Variants in STK3 observed in about 807,000 individuals in gnomAD.
STK3 encodes the protein serine/threonine kinase 3.
Under a neutral mutation model 58.0 loss-of-function variants are expected in STK3, and 41 were observed. The observed-to-expected ratio is 0.71, with a 90% CI of 0.55 to 0.92. The LOEUF is 0.92. Ranked by LOEUF, STK3 falls within the 40% of genes least tolerant of loss-of-function variation. The pLI is 0.00. For synonymous variants in STK3, 170 were observed against 191.0 expected (o/e 0.89, Z 0.91); for missense variants, 479 against 602.7 (o/e 0.79, Z 2.15).
In STK3 at chr8:98,620,867, T is replaced by A. The variant is rs535637156; in HGVS notation, c.685-24698A>T. 1.2e-3 allele frequency among the ~76,000 whole-genome samples: 190 copies of A among 152,040 alleles called. 2 individuals are homozygous for A. The highest frequency in any genetic ancestry group is 1.8e-3 in the Non-Finnish European group (125 of 67,982). On this transcript the variant is annotated intron_variant, in intron 6 of 10. Coordinates refer to ENST00000419617, the MANE Select transcript of STK3 (RefSeq NM_006281.4). ...TTTTTTAAGCAACTGTAAATGGTAT[T>A]GCATTTTTAACTTCAATGTCCATGA...
At position 98,473,478 on chromosome 8, in the gene STK3, A is replaced by G. The variant is rs182752272; in HGVS notation, c.1318-17478T>C. ...ACTCACGGCCATTCCTCCAGTTGTCACAATTCCATCCCTCTTCTCCTTTAG... is the reference window on the plus strand; with the variant it reads ...ACTCACGGCCATTCCTCCAGTTGTCGCAATTCCATCCCTCTTCTCCTTTAG... On this transcript the variant is annotated intron_variant, in intron 10 of 10. Coordinates refer to ENST00000419617, the MANE Select transcript of STK3 (RefSeq NM_006281.4). Among the ~76,000 whole-genome samples, 3 of 152,266 alleles carry G rather than the reference A, an allele frequency of 2.0e-5. No homozygotes were observed. The East Asian group carries it at 5.8e-4, about 29-fold the overall frequency.
intron 9 of STK3, 31 bp from the exon 10 acceptor site, chr8:98,526,948 TA>T: frequency 6.9e-7 from 1 of 1,458,468 alleles, no homozygotes; most frequent in South Asian, 1.6e-5. Flanking sequence ...AAGGAAGGTA[TA>T]AGTTCTTACA....
intron 6 of STK3, chr8:98,602,089 T>C (rs2130067998): frequency 6.6e-6 from 1 of 152,362 alleles, no homozygotes; most frequent in South Asian, 2.1e-4. Flanking sequence ...CACTGTTTAA[T>C]ATCTCAACTT....
At chr8:98,807,734 G>A (rs1833976766) in intron 1 of STK3, among the ~76,000 whole-genome samples, 1 of 152,190 alleles carries the variant, frequency 6.6e-6, no homozygotes, top group African/African-American at 2.4e-5. Context: ...GATAGAAAAT[G>A]CAAAGTCACT....
intron 3 of STK3, among the ~76,000 whole-genome samples, chr8:98,868,876 C>T (rs1276937517): frequency 6.6e-6 from 1 of 151,844 alleles, no homozygotes; most frequent in Non-Finnish European, 1.5e-5. Flanking sequence ...ACTCGAGAGG[C>T]TGAGGTGGGA....
At chr8:98,847,717 G>GT (rs1035665212) in intron 3 of STK3, among the ~76,000 whole-genome samples, 92 of 151,202 alleles carry the variant, frequency 6.1e-4, no homozygotes, top group African/African-American at 2.0e-3. Flanking sequence ...TAAAAAAAAG[G>GT]TTTTTTTTTG....
intron 6 of STK3, among the ~76,000 whole-genome samples, chr8:98,605,267 C>G (rs1344736099): frequency 2.6e-5 from 4 of 152,064 alleles, no homozygotes; most frequent in African/African-American, 9.7e-5. Flanking sequence ...TTGGTCTATT[C>G]TCACATTTCA....
chr8:98,538,995 G>A (rs1273468704), intron 9 of STK3, among the ~76,000 whole-genome samples: 11 of 152,202 alleles, frequency 7.2e-5, no homozygotes, highest in Non-Finnish European at 4.4e-5. Context: ...GGGACCTGTA[G>A]TTTACTGCTG....
chr8:98,773,491 GCC>G (rs1831454011), intron 2 of STK3, among the ~76,000 whole-genome samples: 1 of 151,898 alleles, frequency 6.6e-6, no homozygotes, highest in Admixed American at 6.6e-5. Flanking sequence ...ATGCACAGTG[GCC>G]CACACCTATA....
At chr8:98,939,752 T>A (rs1686066456) in intron 1 of STK3, among the ~76,000 whole-genome samples, 1 of 152,260 alleles carries the variant, frequency 6.6e-6, no homozygotes, top group Non-Finnish European at 1.5e-5. Context: ...TTGCAGACCG[T>A]GCCCTAGTCT....
intron 1 of STK3, among the ~76,000 whole-genome samples, chr8:98,449,250 A>G (rs1264714847): frequency 6.6e-6 from 1 of 152,212 alleles, no homozygotes; most frequent in Non-Finnish European, 1.5e-5. Context: ...ACATATTGCC[A>G]TATTTGACAC....
intron 1 of STK3, among the ~76,000 whole-genome samples, chr8:98,820,703 C>T (rs925503348): frequency 6.6e-6 from 1 of 152,164 alleles, no homozygotes; most frequent in South Asian, 2.1e-4. Flanking sequence ...AATTCGGCTG[C>T]GCGGTAACTC....
At chr8:98,933,178 C>A (rs1038860929) in intron 1 of STK3, among the ~76,000 whole-genome samples, 1 of 152,088 alleles carries the variant, frequency 6.6e-6, no homozygotes, top group Admixed American at 6.6e-5. Context: ...TATTTTACAT[C>A]CTTTGGTATG....
chr8:98,511,695 T>C (rs564596138), intron 10 of STK3, among the ~76,000 whole-genome samples: 2 of 152,148 alleles, frequency 1.3e-5, no homozygotes. Flanking sequence ...AAATGTATTA[T>C]CAATCTGAAC....
chr8:98,636,453 G>C, intron 6 of STK3, among the ~76,000 whole-genome samples: 1 of 152,242 alleles, frequency 6.6e-6, no homozygotes, highest in East Asian at 1.9e-4. Flanking sequence ...AGGCACGAAA[G>C]ACTATCATGT....
At chr8:98,433,494 C>T in intron 3 of STK3, among the ~76,000 whole-genome samples, 1 of 152,192 alleles carries the variant, frequency 6.6e-6, no homozygotes, top group East Asian at 1.9e-4. Flanking sequence ...ACTGGGCTGA[C>T]TTGGTTCTGC....
intron 3 of STK3, among the ~76,000 whole-genome samples, chr8:98,760,678 A>G (rs1023656718): frequency 2.0e-5 from 3 of 151,890 alleles, no homozygotes; most frequent in Admixed American, 2.0e-4. Context: ...TAACGCCTTC[A>G]ATCCAATAAA....
intron 8 of STK3, among the ~76,000 whole-genome samples, chr8:98,550,562 T>C (rs1034382805): frequency 6.6e-6 from 1 of 152,162 alleles, no homozygotes; most frequent in Non-Finnish European, 1.5e-5. Flanking sequence ...TCATTCCCTA[T>C]ATATGCATCA....
chr8:98,711,081 G>A (rs1179906883), intron 4 of STK3, among the ~76,000 whole-genome samples: 1 of 152,182 alleles, frequency 6.6e-6, no homozygotes, highest in Non-Finnish European at 1.5e-5. Context: ...TGAGGGTCCT[G>A]ACAGAAGGAA....
Sources: gnomAD v4.1 joint callset for allele counts (sites outside exome capture counted in the v4.1 genomes callset) on GRCh38, gnomAD v4.1.1 for gene constraint, MANE v1.5 for transcripts, NCBI Gene and HGNC (gene_info 2026-07-23, HGNC 2026-07-21) for gene names.